The following HS3ST5 variants were observed in gnomAD, a reference collection of about 807,000 sequenced individuals.
HS3ST5 encodes the protein heparan sulfate-glucosamine 3-sulfotransferase 5, also known as heparan sulfate glucosamine 3-O-sulfotransferase 5.
Under a neutral mutation model 25.4 loss-of-function variants are expected in HS3ST5, and 10 were observed. The observed-to-expected ratio is 0.39, with a 90% CI of 0.24 to 0.67. The LOEUF (loss-of-function observed/expected upper bound fraction) is 0.67, where lower values mean the gene tolerates loss of function less well. Among genes scored for constraint, HS3ST5 ranks in the 30% least tolerant of loss-of-function variants. The probability of loss-of-function intolerance (pLI) is 0.44; values close to 1 mark genes in which losing one functional copy is unlikely to be tolerated. For synonymous variants in HS3ST5, 170 were observed against 162.4 expected (o/e 1.05, Z -0.36); for missense variants, 324 against 420.7 (o/e 0.77, Z 2.01).
intron 1 of HS3ST5, among the ~76,000 whole-genome samples, chr6:114,262,425 T>C (rs955238291): frequency 1.3e-5 from 2 of 152,018 alleles, no homozygotes; most frequent in African/African-American, 2.4e-5. Context: ...CAGGCACCTG[T>C]AGTCCCAGCT....
chr6:114,335,774 C>T (rs993193428), intron 1 of HS3ST5, among the ~76,000 whole-genome samples: 12 of 152,112 alleles, frequency 7.9e-5, no homozygotes, highest in African/African-American at 2.7e-4. Flanking sequence ...CCTGCATCAG[C>T]CTCCTGAGTA....
At chr6:114,076,918 A>C (rs951965055) in intron 3 of HS3ST5, among the ~76,000 whole-genome samples, 1 of 152,236 alleles carries the variant, frequency 6.6e-6, no homozygotes, top group Non-Finnish European at 1.5e-5. Flanking sequence ...GAAGCTATTT[A>C]GCTCTTTGTT....
intron 3 of HS3ST5, among the ~76,000 whole-genome samples, chr6:114,103,533 G>A (rs1269643622): frequency 6.6e-6 from 1 of 152,004 alleles, no homozygotes; most frequent in Non-Finnish European, 1.5e-5. Flanking sequence ...AACATAGTCA[G>A]CAATACATTT....
chr6:114,127,839 AATAT>A lies in HS3ST5; in HGVS notation c.-33+40508_-33+40511del, dbSNP rs375936050. Among the ~76,000 whole-genome samples the A allele has an allele frequency of 2.5e-4, 37 of 149,154 alleles. 1 individual carries two copies. The highest frequency in any genetic ancestry group is 1.0e-3 in the South Asian group (5 of 4,770). On this transcript the variant is annotated intron_variant, in intron 3 of 4. Coordinates refer to ENST00000312719, the MANE Select transcript of HS3ST5 (RefSeq NM_153612.4). Reference sequence around the variant, plus strand: ...TGAAATCATTCAGTCAAAAAGGACAAATATATATATATATATAGAGAGAGAGAGA... The same window carrying A: ...TGAAATCATTCAGTCAAAAAGGACAAATATATATATATAGAGAGAGAGAGA...
intron 3 of HS3ST5, among the ~76,000 whole-genome samples, chr6:114,160,078 T>C (rs183053793): frequency 1.3e-5 from 2 of 152,262 alleles, no homozygotes; most frequent in Admixed American, 1.3e-4. Context: ...TAAAAATAAT[T>C]GTGACAGGAA....
intron 1 of HS3ST5, among the ~76,000 whole-genome samples, chr6:114,247,383 C>T (rs1340717900): frequency 2.0e-5 from 3 of 152,038 alleles, no homozygotes; most frequent in East Asian, 1.9e-4. Flanking sequence ...TGATGAAAAC[C>T]GGAAAATTGC....
chr6:114,189,267 A>G (rs1281442148), intron 2 of HS3ST5, among the ~76,000 whole-genome samples: 1 of 152,108 alleles, frequency 6.6e-6, no homozygotes, highest in Non-Finnish European at 1.5e-5. Context: ...TTGATACTTT[A>G]TCCACTTTAT....
rs1776838943 is a variant in HS3ST5 at position 114,341,222 on chromosome 6, G to GAGA, written c.-339+972_-339+973insTCT. Among the ~76,000 whole-genome samples the GAGA allele has an allele frequency of 1.7e-3, 79 of 46,646 alleles. 3 individuals are homozygous for GAGA. The highest frequency in any genetic ancestry group is 9.5e-3 in the African/African-American group (76 of 8,036). 30.6% of individuals were successfully genotyped at this position (46,646 alleles called of 152,430 possible). ...AGGGAGAGGGAATAGGGAGAGAGGG[G>GAGA]GAGAGAGAGAGAGAGAGAGAGAGAG... is the stretch of plus-strand genomic sequence containing the variant. On this transcript the variant is annotated intron_variant, in intron 1 of 4. Transcript: ENST00000312719.
chr6:114,296,953 A>T (rs1774849930), intron 1 of HS3ST5, among the ~76,000 whole-genome samples: 1 of 152,190 alleles, frequency 6.6e-6, no homozygotes, highest in African/African-American at 2.4e-5. Context: ...GTGAAAGTTG[A>T]AAGGGGGTCT....
At chr6:114,285,713 A>G (rs1434443896) in intron 1 of HS3ST5, among the ~76,000 whole-genome samples, 1 of 151,994 alleles carries the variant, frequency 6.6e-6, no homozygotes, top group Non-Finnish European at 1.5e-5. Context: ...ATAAATAGCT[A>G]TGCATGGAGG....
intron 1 of HS3ST5, among the ~76,000 whole-genome samples, chr6:114,289,597 T>A (rs1337324750): frequency 6.6e-6 from 1 of 152,116 alleles, no homozygotes; most frequent in African/African-American, 2.4e-5. Context: ...AAATCACAGA[T>A]GATAAAACCT....
intron 2 of HS3ST5, among the ~76,000 whole-genome samples, chr6:114,185,212 C>CTGATT (rs1780158705): frequency 6.6e-6 from 1 of 152,134 alleles, no homozygotes; most frequent in Non-Finnish European, 1.5e-5. Flanking sequence ...GAATGTGCCC[C>CTGATT]TCCCCCAAAC....
chr6:114,165,311 G>A (rs979872936), intron 3 of HS3ST5, among the ~76,000 whole-genome samples: 3 of 152,074 alleles, frequency 2.0e-5, no homozygotes, highest in Admixed American at 6.6e-5. Context: ...GCACAGCATC[G>A]GGTCAGCATC....
chr6:114,248,811 G>A (rs1015320114), intron 1 of HS3ST5, among the ~76,000 whole-genome samples: 6 of 152,188 alleles, frequency 3.9e-5, no homozygotes, highest in African/African-American at 1.4e-4. Context: ...AAGTTAACAA[G>A]ATGGTCCTTA....
At chr6:114,279,077 G>A (rs1375936606) in intron 1 of HS3ST5, among the ~76,000 whole-genome samples, 1 of 151,908 alleles carries the variant, frequency 6.6e-6, no homozygotes, top group Non-Finnish European at 1.5e-5. Context: ...TCTTTAGTTG[G>A]CAATTAGACA....
chr6:114,322,326 C>T (rs540591129), intron 1 of HS3ST5, among the ~76,000 whole-genome samples: 3 of 152,198 alleles, frequency 2.0e-5, no homozygotes, highest in African/African-American at 7.2e-5. Flanking sequence ...AGTAGCTTAA[C>T]CTTAGTTTTA....
intron 1 of HS3ST5, among the ~76,000 whole-genome samples, chr6:114,258,261 G>A (rs897666302): frequency 2.6e-5 from 4 of 152,130 alleles, no homozygotes; most frequent in Non-Finnish European, 4.4e-5. Flanking sequence ...TGGGGAGTGC[G>A]TGACGATTCC....
At chr6:114,311,825 G>T (rs550637363) in intron 1 of HS3ST5, among the ~76,000 whole-genome samples, 1 of 152,076 alleles carries the variant, frequency 6.6e-6, no homozygotes, top group Admixed American at 6.6e-5. Flanking sequence ...TTACAGGCGT[G>T]AGCCACCGTG....
chr6:114,261,154 G>T (rs1394833123), intron 1 of HS3ST5, among the ~76,000 whole-genome samples: 1 of 152,088 alleles, frequency 6.6e-6, no homozygotes, highest in African/African-American at 2.4e-5. Context: ...TCAAGAATTT[G>T]GGTAGGAAAA....
Sources: allele counts gnomAD v4.1 joint callset (sites outside exome capture counted in the v4.1 genomes callset), GRCh38; gene constraint gnomAD v4.1.1; transcripts MANE v1.5; gene names NCBI Gene and HGNC (gene_info 2026-07-23, HGNC 2026-07-21).